Variants in SLC36A1 observed in about 807,000 individuals in gnomAD.
The protein encoded by SLC36A1 is proton-coupled amino acid transporter 1.
Under a neutral mutation model 47.5 loss-of-function variants are expected in SLC36A1, and 30 were observed. The ratio of observed to expected loss-of-function variants is 0.63; its 90% CI spans 0.47 to 0.86. The LOEUF (loss-of-function observed/expected upper bound fraction) is 0.86, where lower values mean the gene tolerates loss of function less well. Among genes scored for constraint, SLC36A1 ranks in the 40% least tolerant of loss-of-function variants. The pLI, the probability that SLC36A1 is intolerant of heterozygous loss-of-function variation, is 0.00. For missense variants in SLC36A1, 517 were observed against 606.0 expected (o/e 0.85, Z 1.54); for synonymous variants, 255 against 249.7 (o/e 1.02, Z -0.20).
the SLC36A1 span, among the ~76,000 whole-genome samples, chr5:151,419,435 T>C: frequency 6.6e-6 from 1 of 152,324 alleles, no homozygotes; most frequent in East Asian, 1.9e-4. Flanking sequence ...TTGATTATTG[T>C]CCCATGGCTG....
intron 7 of SLC36A1, among the ~76,000 whole-genome samples, chr5:151,468,271 A>ATATATATATATATATATATATATATTT (rs1756815007): frequency 2.2e-5 from 2 of 90,080 alleles, no homozygotes; most frequent in South Asian, 7.9e-4. Context: ...AAAAAAATAT[A>ATATATATATATATATATATATATATTT]TATATATATA....
chr5:151,392,297 C>G, the SLC36A1 span, among the ~76,000 whole-genome samples: 1 of 151,980 alleles, frequency 6.6e-6, no homozygotes, highest in Non-Finnish European at 1.5e-5. Flanking sequence ...TCCTTTTCAT[C>G]TTTATTAGTC....
chr5:151,444,091 C>T (rs888647362), upstream of SLC36A1, among the ~76,000 whole-genome samples: 5 of 152,142 alleles, frequency 3.3e-5, no homozygotes, highest in East Asian at 1.9e-4. Flanking sequence ...AATTTTGAAT[C>T]GGGAAGTGTG....
At chr5:151,512,956 C>A in the SLC36A1 span, among the ~76,000 whole-genome samples, 1 of 152,176 alleles carries the variant, frequency 6.6e-6, no homozygotes, top group Non-Finnish European at 1.5e-5. This position sits in a 1 kb window ranked among gnomAD's most constrained non-coding sequence, Gnocchi z 4.1. Flanking sequence ...TGGCCTTCAG[C>A]GATTTGAAAA....
the SLC36A1 span, among the ~76,000 whole-genome samples, chr5:151,355,603 A>G: frequency 6.6e-6 from 1 of 152,204 alleles, no homozygotes; most frequent in Non-Finnish European, 1.5e-5. Flanking sequence ...AATTGTTCAT[A>G]AATTATCCTA....
At chr5:151,552,496 G>A in the SLC36A1 span, among the ~76,000 whole-genome samples, 1 of 152,144 alleles carries the variant, frequency 6.6e-6, no homozygotes, top group Non-Finnish European at 1.5e-5. Flanking sequence ...AACTCCTAGA[G>A]ATTTTTAACC....
chr5:151,370,425 G>A, the SLC36A1 span, among the ~76,000 whole-genome samples: 1 of 150,134 alleles, frequency 6.7e-6, no homozygotes, highest in African/African-American at 2.4e-5. Flanking sequence ...TTTTTTGTTA[G>A]GCTCCATTCA....
chr5:151,529,560 TC>T, the SLC36A1 span, among the ~76,000 whole-genome samples: 1 of 148,986 alleles, frequency 6.7e-6, no homozygotes, highest in Admixed American at 6.8e-5. Context: ...TTGACCCCCT[TC>T]CCCATCATCT....
chr5:151,445,901 A>T (rs192103300), upstream of SLC36A1, among the ~76,000 whole-genome samples: 130 of 151,770 alleles, frequency 8.6e-4, 1 homozygote, highest in Admixed American at 3.6e-3. Flanking sequence ...GGGTACGTCA[A>T]TTTAATTTTT....
chr5:151,537,881 G>A, the SLC36A1 span: 2 of 1,614,128 alleles, frequency 1.2e-6, no homozygotes, highest in Non-Finnish European at 1.7e-6. Context: ...CCAAGTCTGT[G>A]GCAGAAACCT....
chr5:151,383,216 C>T, the SLC36A1 span, among the ~76,000 whole-genome samples: 2 of 152,162 alleles, frequency 1.3e-5, no homozygotes, highest in African/African-American at 4.8e-5. Flanking sequence ...AGCTGGCTGG[C>T]TGGAGGACAC....
At chr5:151,351,852 A>G in the SLC36A1 span, among the ~76,000 whole-genome samples, 1,638 of 152,206 alleles carry the variant, frequency 0.011, 66 homozygotes, top group East Asian at 0.15. Flanking sequence ...TCCTCACAAT[A>G]GCAAATGATG....
chr5:151,367,361 A>ATTTTTTTTTTTTTTTTTTTTTTTTT, the SLC36A1 span, among the ~76,000 whole-genome samples: 2 of 118,846 alleles, frequency 1.7e-5, no homozygotes, highest in Non-Finnish European at 1.7e-5. Context: ...CCAGGAATGC[A>ATTTTTTTTTTTTTTTTTTTTTTTTT]TTTTTTTTTT....
At chr5:151,392,380 A>G in the SLC36A1 span, among the ~76,000 whole-genome samples, 1 of 151,646 alleles carries the variant, frequency 6.6e-6, no homozygotes, top group Non-Finnish European at 1.5e-5. Flanking sequence ...TTTTTGAAGG[A>G]TTTTTTGTGT....
the SLC36A1 span, chr5:151,509,910 C>T: frequency 1.1e-5 from 14 of 1,288,414 alleles, no homozygotes; most frequent in African/African-American, 1.2e-4. Flanking sequence ...GCCTAGAAGC[C>T]AGGTCCCTGC....
chr5:151,537,139 A>G, the SLC36A1 span, among the ~76,000 whole-genome samples: 2 of 152,070 alleles, frequency 1.3e-5, no homozygotes, highest in Non-Finnish European at 2.9e-5. Context: ...TAGCAAAAAG[A>G]CAGAAAGACA....
chr5:151,519,042 T>C, the SLC36A1 span, among the ~76,000 whole-genome samples: 1 of 152,080 alleles, frequency 6.6e-6, no homozygotes, highest in Non-Finnish European at 1.5e-5. Context: ...GCACAAGGGA[T>C]TATAACATCC....
chr5:151,408,589 G>A, the SLC36A1 span, among the ~76,000 whole-genome samples: 4 of 152,030 alleles, frequency 2.6e-5, no homozygotes, highest in Admixed American at 1.3e-4. Flanking sequence ...CTACAAATAC[G>A]TAATTAAGAA....
chr5:151,551,700 G>T, the SLC36A1 span: 2 of 1,366,226 alleles, frequency 1.5e-6, no homozygotes, highest in African/African-American at 1.4e-5. Context: ...AGAGGACACG[G>T]TGGTAAATTC....
Sources: allele counts gnomAD v4.1 joint callset (sites outside exome capture counted in the v4.1 genomes callset), GRCh38; gene constraint gnomAD v4.1.1; non-coding constraint Gnocchi (gnomAD v3.1); transcripts MANE v1.5; gene names NCBI Gene and HGNC (gene_info 2026-07-23, HGNC 2026-07-21).